Variants in APC observed in about 807,000 individuals in gnomAD.
The protein encoded by APC is adenomatous polyposis coli protein.
A neutral mutation model predicts 247.0 loss-of-function variants in APC; 72 were observed. That is an observed-to-expected ratio of 0.29 (90% CI 0.24 to 0.35). The LOEUF is 0.35. APC is among the 10% of genes least tolerant of loss of function. APC has a pLI of 1.00. For missense variants in APC, 3,400 were observed against 3,360.7 expected, an observed-to-expected ratio of 1.01 and a Z score of -0.29; for synonymous variants, 1,254 against 1,162.5, an observed-to-expected ratio of 1.08 and a Z score of -1.60.
rs866860900 is a variant in APC at position 112,755,140 on chromosome 5, T to C, written c.135+115T>C. The C allele has an allele frequency of 4.2e-5, 60 of 1,423,430 alleles. No individual in the cohort carries two copies. In the South Asian group the frequency reaches 7.5e-4, roughly 18 times the overall value. 88.2% of individuals were successfully genotyped at this position (1,423,430 alleles called of 1,614,324 possible). A position where few individuals can be genotyped will look rare whatever the true frequency, so the allele number is the denominator to read the frequency against. On this transcript the variant is annotated intron_variant, in intron 2 of 15. Coordinates refer to ENST00000257430, the MANE Select transcript of APC (RefSeq NM_000038.6). Reference sequence around the variant, plus strand: ...GTGTATTTTAAATTAAGCAATAATATGTAAACTCTTTCTTGCAAAAGTTAG... The same window carrying C: ...GTGTATTTTAAATTAAGCAATAATACGTAAACTCTTTCTTGCAAAAGTTAG...
intron 1 of APC, among the ~76,000 whole-genome samples, chr5:112,710,317 T>TA (rs1244633931): frequency 2.0e-5 from 3 of 152,200 alleles, no homozygotes; most frequent in Non-Finnish European, 4.4e-5. Context: ...GCAAATAACT[T>TA]AATCTCTTCC....
intron 6 of APC, among the ~76,000 whole-genome samples, chr5:112,785,257 G>T (rs1758810430): frequency 6.6e-6 from 1 of 152,158 alleles, no homozygotes; most frequent in Non-Finnish European, 1.5e-5. Flanking sequence ...ATTTGTAAAT[G>T]ATGTGGTGGT....
intron 8 of APC, among the ~76,000 whole-genome samples, chr5:112,807,503 T>C (rs1452692459): frequency 6.6e-5 from 10 of 152,242 alleles, no homozygotes; most frequent in African/African-American, 1.7e-4. Context: ...TTTATAGATA[T>C]GGAAGTTTTT....
At position 112,842,228 on chromosome 5, in the gene APC, C is replaced by G. The variant is rs200682225; in HGVS notation, c.6634C>G (p.Gln2212Glu). 1.2e-6 allele frequency: 2 copies of G among 1,613,764 alleles called. No homozygotes were observed. The highest frequency in any genetic ancestry group is 1.7e-6 in the Non-Finnish European group (2 of 1,179,742). The change falls in exon 16 of 16, where the codon CAA (glutamine) becomes GAA (glutamate). Residue 2212 changes from glutamine to glutamate, a missense_variant. Coordinates refer to ENST00000257430, the MANE Select transcript of APC (RefSeq NM_000038.6). ...KVRSNSEISG[Q>E]MKQPLQANMP... is the part of the protein sequence containing the mutation. ...TCGATCTAATTCAGAAATTTCAGGC[C>G]AAATGAAACAGCCCCTTCAAGCAAA...
At chr5:112,728,514 G>T (rs1751925679) in intron 1 of APC, among the ~76,000 whole-genome samples, 5 of 152,172 alleles carry the variant, frequency 3.3e-5, no homozygotes, top group Admixed American at 3.3e-4. Flanking sequence ...GGAAAACACT[G>T]CATACCTTGA....
chr5:112,719,120 G>A (rs538581274), intron 1 of APC, among the ~76,000 whole-genome samples: 1 of 152,296 alleles, frequency 6.6e-6, no homozygotes, highest in South Asian at 2.1e-4. Context: ...GTATGGAGGA[G>A]GGAGAATGTA....
At chr5:112,757,032 A>G (rs950656941) in intron 2 of APC, among the ~76,000 whole-genome samples, 1 of 152,158 alleles carries the variant, frequency 6.6e-6, no homozygotes, top group Non-Finnish European at 1.5e-5. Flanking sequence ...AAATTTTCGG[A>G]TTTAGAATGC....
intron 8 of APC, among the ~76,000 whole-genome samples, chr5:112,807,769 C>T (rs1394974451): frequency 1.3e-5 from 2 of 152,036 alleles, no homozygotes; most frequent in Non-Finnish European, 2.9e-5. Context: ...TCACCTTAAC[C>T]TCCCATTTTA....
intron 5 of APC, among the ~76,000 whole-genome samples, chr5:112,779,395 G>T (rs1247131846): frequency 6.6e-6 from 1 of 152,168 alleles, no homozygotes; most frequent in Middle Eastern, 3.2e-3. Context: ...CTGAAACAAA[G>T]ATCAGTTGTC....
chr5:112,773,619 T>C lies in APC; in HGVS notation c.423-2010T>C, dbSNP rs113691739. Among the ~76,000 whole-genome samples, 834 of 152,300 alleles carry C rather than the reference T, an allele frequency of 5.5e-3. 10 individuals are homozygous for C. Among genetic ancestry groups the C allele is most frequent in the African/African-American group, 0.019 (793 of 41,548 alleles). On this transcript the variant is annotated intron_variant, in intron 4 of 15. Coordinates refer to ENST00000257430, the MANE Select transcript of APC (RefSeq NM_000038.6). Reference sequence around the variant, plus strand: ...ATACTATGTTAAGTTAGAGAAAACATGTTATTAAGAAAATCATAATGAAGT... The same window carrying C: ...ATACTATGTTAAGTTAGAGAAAACACGTTATTAAGAAAATCATAATGAAGT...
intron 1 of APC, among the ~76,000 whole-genome samples, chr5:112,712,462 C>T (rs1331715876): frequency 2.6e-5 from 4 of 152,094 alleles, no homozygotes; most frequent in Non-Finnish European, 4.4e-5. Flanking sequence ...TCACAACTCA[C>T]TGTAACCTAG....
At chr5:112,793,568 A>G (rs1001593926) in intron 7 of APC, among the ~76,000 whole-genome samples, 5 of 152,214 alleles carry the variant, frequency 3.3e-5, no homozygotes, top group African/African-American at 1.2e-4. Context: ...GACAAAATCC[A>G]TTCTTCAGGC....
intron 1 of APC, among the ~76,000 whole-genome samples, chr5:112,753,263 A>G (rs183639957): frequency 1.3e-5 from 2 of 152,040 alleles, no homozygotes; most frequent in Admixed American, 1.3e-4. Flanking sequence ...TATTTTTGAG[A>G]TGTCTCCTTT....
chr5:112,764,750 A>G (rs928992644), intron 2 of APC, among the ~76,000 whole-genome samples: 5 of 152,214 alleles, frequency 3.3e-5, no homozygotes, highest in Non-Finnish European at 5.9e-5. Context: ...TAAGATTAAA[A>G]AAGGATTATT....
chr5:112,779,372 A>G (rs1463658925), intron 5 of APC, among the ~76,000 whole-genome samples: 1 of 152,232 alleles, frequency 6.6e-6, no homozygotes, highest in East Asian at 1.9e-4. Context: ...ACTCAAGAGT[A>G]TTTGGTTACT....
Position 112,843,273 on chromosome 5 carries a change from G to T in APC, c.7679G>T (p.Arg2560Leu). The change falls in exon 16 of 16, where the codon CGA becomes CTA. Residue 2560 changes from arginine to leucine, a missense_variant. Arg to Leu is a moderately radical substitution (Grantham distance 102). Transcript: ENST00000257430. The surrounding 1 kb of genome is among the most constrained non-coding windows in gnomAD (Gnocchi z 4.8). The part of the protein sequence containing the change: ...EHSKHSSSLP[R>L]VSTWRRTGSS... Reference sequence around the variant, plus strand: ...AGCAAACATTCATCATCCCTTCCTCGAGTAAGCACTTGGAGAAGAACTGGA... The same window carrying T: ...AGCAAACATTCATCATCCCTTCCTCTAGTAAGCACTTGGAGAAGAACTGGA... The T allele has an allele frequency of 6.2e-7, 1 of 1,613,526 alleles. No individual in the cohort carries two copies.
At chr5:112,793,986 A>G (rs1274169814) in intron 7 of APC, among the ~76,000 whole-genome samples, 3 of 151,994 alleles carry the variant, frequency 2.0e-5, no homozygotes. Flanking sequence ...ACTGGGAAGT[A>G]GGGTAGGCAT....
At chr5:112,783,116 C>T (rs1758535357) in intron 6 of APC, among the ~76,000 whole-genome samples, 2 of 151,976 alleles carry the variant, frequency 1.3e-5, no homozygotes, top group South Asian at 4.1e-4. Context: ...AGAGAGAGAT[C>T]CTAAAAGAAC....
intron 2 of APC, among the ~76,000 whole-genome samples, chr5:112,762,779 C>G (rs912029782): frequency 1.3e-5 from 2 of 152,112 alleles, no homozygotes; most frequent in African/African-American, 4.8e-5. Context: ...TGAAAATTCA[C>G]TGGATATTTA....
Sources: allele counts gnomAD v4.1 joint callset (sites outside exome capture counted in the v4.1 genomes callset), GRCh38; gene constraint gnomAD v4.1.1; non-coding constraint Gnocchi (gnomAD v3.1); transcripts MANE v1.5; gene names NCBI Gene and HGNC (gene_info 2026-07-23, HGNC 2026-07-21).